FAM78B: variants seen among roughly 807,000 people sequenced by gnomAD.
The protein encoded by FAM78B is protein FAM78B.
Under a neutral mutation model 20.0 loss-of-function variants are expected in FAM78B, and 10 were observed. The observed-to-expected ratio is 0.50, with a 90% CI of 0.31 to 0.85. FAM78B has a LOEUF of 0.85. Ranked by LOEUF, FAM78B falls within the 40% of genes least tolerant of loss-of-function variation. The pLI, the probability that FAM78B is intolerant of heterozygous loss-of-function variation, is 0.05. For synonymous variants in FAM78B, 135 were observed against 132.8 expected, an observed-to-expected ratio of 1.02 and a Z score of -0.12; for missense variants, 283 against 345.0, an observed-to-expected ratio of 0.82 and a Z score of 1.42.
chr1:166,098,306 T>C (rs924144111), intron 1 of FAM78B, among the ~76,000 whole-genome samples: 2 of 151,968 alleles, frequency 1.3e-5, no homozygotes, highest in East Asian at 2.0e-4. Context: ...TCTGGTAATA[T>C]GATAAAAAAA....
At chr1:166,144,277 G>A (rs929485858) in intron 1 of FAM78B, among the ~76,000 whole-genome samples, 4 of 152,090 alleles carry the variant, frequency 2.6e-5, no homozygotes, top group African/African-American at 7.2e-5. Flanking sequence ...TGTGAGTAAG[G>A]CTGGGGAGTG....
At chr1:166,131,475 C>T (rs1296962369) in intron 1 of FAM78B, among the ~76,000 whole-genome samples, 2 of 152,160 alleles carry the variant, frequency 1.3e-5, no homozygotes, top group African/African-American at 4.8e-5. Context: ...AGCAAACTAC[C>T]TCACAGTAGT....
intron 2 of FAM78B, among the ~76,000 whole-genome samples, chr1:166,063,661 T>C (rs1205383170): frequency 6.6e-6 from 1 of 152,182 alleles, no homozygotes; most frequent in African/African-American, 2.4e-5. Context: ...ATATTTCCTC[T>C]CTGTTCCTAG....
chr1:166,166,982 G>A lies in FAM78B; in HGVS notation c.-734C>T, dbSNP rs1438604558. The A allele has an allele frequency of 6.7e-6, 1 of 149,460 alleles. No individual in the cohort carries two copies. The highest frequency in any genetic ancestry group is 2.5e-5 in the African/African-American group (1 of 40,526). 9.3% of individuals were successfully genotyped at this position (149,460 alleles called of 1,614,324 possible). On this transcript the variant is annotated 5_prime_UTR_variant, in exon 1 of 2. Transcript: ENST00000354422. ...AGCAGCACAGGACGTGCTCCGCGGA[G>A]GAAACTGGCTGTACGCCATGAGTTT...
chr1:166,143,099 C>A (rs201257031), intron 1 of FAM78B, among the ~76,000 whole-genome samples: 1 of 152,162 alleles, frequency 6.6e-6, no homozygotes. Flanking sequence ...ATTTCCTCAT[C>A]TTTAAGTAGC....
chr1:166,142,002 A>T (rs1317455216), intron 1 of FAM78B, among the ~76,000 whole-genome samples: 1 of 152,192 alleles, frequency 6.6e-6, no homozygotes, highest in Non-Finnish European at 1.5e-5. Flanking sequence ...TTGGAAGGGC[A>T]TGCCACCTGT....
At chr1:166,068,187 G>A (rs1651874056), downstream of FAM78B, among the ~76,000 whole-genome samples, 1 of 152,166 alleles carries the variant, frequency 6.6e-6, no homozygotes, top group African/African-American at 2.4e-5. Flanking sequence ...ATCCCATAGG[G>A]GTGGAGTCTA....
At chr1:166,112,731 C>T (rs1421279760) in intron 1 of FAM78B, among the ~76,000 whole-genome samples, 1 of 152,166 alleles carries the variant, frequency 6.6e-6, no homozygotes, top group African/African-American at 2.4e-5. Flanking sequence ...GGCTATGGTC[C>T]ACCTAGGATT....
At chr1:166,124,179 C>T (rs983750917) in intron 1 of FAM78B, among the ~76,000 whole-genome samples, 1 of 152,200 alleles carries the variant, frequency 6.6e-6, no homozygotes, top group Non-Finnish European at 1.5e-5. Context: ...TGGGTTTCAA[C>T]ACCCTTTTCC....
chr1:166,063,361 G>C (rs533789051), intron 2 of FAM78B, among the ~76,000 whole-genome samples: 9 of 152,304 alleles, frequency 5.9e-5, no homozygotes, highest in African/African-American at 2.2e-4. Flanking sequence ...AAGCAGGGCT[G>C]GGACTAGGGG....
chr1:166,154,236 G>A (rs1203869475), intron 1 of FAM78B, among the ~76,000 whole-genome samples: 2 of 152,188 alleles, frequency 1.3e-5, no homozygotes, highest in Non-Finnish European at 2.9e-5. Context: ...TGTGTGGGTA[G>A]GGGCCAGGAG....
rs1322826387 is a variant in FAM78B, at chr1:166,109,837, T to C, written c.264-39074A>G. ...ATGTATATATATATATATATGTATA[T>C]ATGTATATATATATATATATATATG... On this transcript the variant is annotated intron_variant, in intron 1 of 1. Coordinates refer to ENST00000354422, the MANE Select transcript of FAM78B (RefSeq NM_001017961.5). Among the ~76,000 whole-genome samples, 16 of 17,136 alleles carry C rather than the reference T, an allele frequency of 9.3e-4. 4 individuals are homozygous for C. The East Asian group carries it at 0.01, about 11-fold the overall frequency. 11.2% of individuals were successfully genotyped at this position (17,136 alleles called of 152,430 possible).
downstream of FAM78B, among the ~76,000 whole-genome samples, chr1:166,068,406 G>C (rs1651882702): frequency 6.6e-6 from 1 of 152,194 alleles, no homozygotes; most frequent in Non-Finnish European, 1.5e-5. Context: ...TTATTAATGT[G>C]TTGTTATAAA....
chr1:166,135,562 C>A (rs147409939), intron 1 of FAM78B, among the ~76,000 whole-genome samples: 1 of 152,318 alleles, frequency 6.6e-6, no homozygotes, highest in Non-Finnish European at 1.5e-5. Context: ...TCTACTCAGT[C>A]CAGTAGCATG....
chr1:166,122,468 T>C (rs1654498395), intron 1 of FAM78B, among the ~76,000 whole-genome samples: 1 of 152,232 alleles, frequency 6.6e-6, no homozygotes, highest in African/African-American at 2.4e-5. Context: ...TTGATATTTA[T>C]ACATGTTTAT....
At chr1:166,113,030 A>C (rs1484997665) in intron 1 of FAM78B, among the ~76,000 whole-genome samples, 1 of 152,280 alleles carries the variant, frequency 6.6e-6, no homozygotes, top group African/African-American at 2.4e-5. Context: ...TAAAAAAATA[A>C]AAATACAGAA....
chr1:166,126,741 T>C (rs1365686747), intron 1 of FAM78B, among the ~76,000 whole-genome samples: 1 of 152,136 alleles, frequency 6.6e-6, no homozygotes, highest in Non-Finnish European at 1.5e-5. Context: ...TTATGTAGGC[T>C]ACAATATTGA....
intron 1 of FAM78B, among the ~76,000 whole-genome samples, chr1:166,114,139 C>T (rs1268010669): frequency 1.3e-5 from 2 of 152,222 alleles, no homozygotes; most frequent in East Asian, 1.9e-4. Context: ...GCTGGGCACA[C>T]CTTTGGGTGC....
intron 1 of FAM78B, among the ~76,000 whole-genome samples, chr1:166,091,366 G>C (rs1653063122): frequency 6.6e-6 from 1 of 152,056 alleles, no homozygotes; most frequent in African/African-American, 2.4e-5. Flanking sequence ...CATGGGGGCA[G>C]GTCTTTCTCT....
Sources: allele counts gnomAD v4.1 joint callset (sites outside exome capture counted in the v4.1 genomes callset), GRCh38; gene constraint gnomAD v4.1.1; transcripts MANE v1.5; gene names NCBI Gene and HGNC (gene_info 2026-07-23, HGNC 2026-07-21).